The following PDSS2 variants were observed in gnomAD, a reference collection of about 807,000 sequenced individuals.
PDSS2 encodes the protein decaprenyl diphosphate synthase subunit 2, also known as all trans-polyprenyl-diphosphate synthase PDSS2.
PDSS2 carries 31 observed loss-of-function variants against 44.5 expected under a neutral mutation model. The observed-to-expected ratio is 0.70, with a 90% CI of 0.52 to 0.94. PDSS2 has a LOEUF of 0.94. PDSS2 is among the 40% of genes least tolerant of loss of function. The probability of loss-of-function intolerance (pLI) is 0.00; values close to 1 mark genes in which losing one functional copy is unlikely to be tolerated. For synonymous variants in PDSS2, 157 were observed against 180.3 expected (o/e 0.87, Z 1.03); for missense variants, 452 against 482.2 (o/e 0.94, Z 0.59).
In PDSS2 at chr6:107,317,323, T is replaced by G. The variant is rs74963326; in HGVS notation, c.431+16875A>C. Among the ~76,000 whole-genome samples the G allele has an allele frequency of 0.015, 2,285 of 152,050 alleles. 122 individuals carry two copies. In the East Asian group the frequency reaches 0.19, roughly 13 times the overall value. ...ATAACAGAAAAAAAGCACAACCAGA[T>G]GTGGAGGAAACATGAGACAAAGGTG... On this transcript the variant is annotated intron_variant, in intron 2 of 7. Coordinates refer to ENST00000369037, the MANE Select transcript of PDSS2 (RefSeq NM_020381.4).
chr6:107,421,807 A>AACCC (rs1780832189), intron 1 of PDSS2, among the ~76,000 whole-genome samples: 1 of 146,114 alleles, frequency 6.8e-6, no homozygotes, highest in African/African-American at 2.5e-5. Context: ...AATTTCACAG[A>AACCC]ACACACACAC....
At chr6:107,161,752 T>C (rs11964270) in intron 7 of PDSS2, among the ~76,000 whole-genome samples, 11,059 of 152,186 alleles carry the variant, frequency 0.073, 443 homozygotes, top group African/African-American at 0.11. Flanking sequence ...CAGTTTGGCC[T>C]TTACAGAAAA....
chr6:107,156,906 C>T (rs1368991516), intron 7 of PDSS2, among the ~76,000 whole-genome samples: 2 of 152,160 alleles, frequency 1.3e-5, no homozygotes, highest in Non-Finnish European at 2.9e-5. Context: ...TCCTCTACTC[C>T]TCATTCCCAT....
At chr6:107,402,403 A>G (rs1228695218) in intron 1 of PDSS2, among the ~76,000 whole-genome samples, 1 of 29,858 alleles carries the variant, frequency 3.3e-5, no homozygotes, top group African/African-American at 1.2e-4. Context: ...TGTTCTCACA[A>G]TAAAGATATA....
chr6:107,298,284 C>A (rs1297917788), intron 2 of PDSS2, among the ~76,000 whole-genome samples: 1 of 152,012 alleles, frequency 6.6e-6, no homozygotes, highest in Non-Finnish European at 1.5e-5. Context: ...ATTCAACCAA[C>A]CACTGACAGA....
intron 5 of PDSS2, among the ~76,000 whole-genome samples, chr6:107,211,545 C>G (rs1255411841): frequency 2.0e-5 from 3 of 151,620 alleles, no homozygotes; most frequent in Admixed American, 2.0e-4. Context: ...TCCTGACCAA[C>G]ATGGTGAAAC....
intron 1 of PDSS2, among the ~76,000 whole-genome samples, chr6:107,411,716 G>A (rs1780499764): frequency 6.6e-6 from 1 of 151,942 alleles, no homozygotes; most frequent in South Asian, 2.1e-4. Context: ...AAGTAATCTG[G>A]AGATAATTTC....
intron 4 of PDSS2, among the ~76,000 whole-genome samples, chr6:107,240,380 G>T (rs1324595457): frequency 6.6e-6 from 1 of 150,470 alleles, no homozygotes; most frequent in South Asian, 2.1e-4. Flanking sequence ...CAGTCTGGAT[G>T]ATAGAGTGAG....
At chr6:107,285,630 T>G (rs937639170) in intron 2 of PDSS2, among the ~76,000 whole-genome samples, 1 of 152,160 alleles carries the variant, frequency 6.6e-6, no homozygotes, top group Admixed American at 6.5e-5. Flanking sequence ...AGGGAAAAGA[T>G]GGATTATTCT....
chr6:107,235,805 T>C (rs887077826), intron 4 of PDSS2, among the ~76,000 whole-genome samples: 11 of 152,108 alleles, frequency 7.2e-5, no homozygotes, highest in African/African-American at 2.7e-4. Context: ...CTATATTCCA[T>C]ATGGCCAAGG....
At chr6:107,241,439 C>T (rs751657274) in intron 4 of PDSS2, among the ~76,000 whole-genome samples, 3 of 147,486 alleles carry the variant, frequency 2.0e-5, no homozygotes, top group Non-Finnish European at 4.5e-5. Context: ...CTCTGCCTCC[C>T]GGGTTCACAC....
Position 107,412,611 on chromosome 6 carries a change from G to A in PDSS2, c.296+46379C>T, listed in dbSNP as rs377083687. On this transcript the variant is annotated intron_variant, in intron 1 of 7. Coordinates refer to ENST00000369037, the MANE Select transcript of PDSS2 (RefSeq NM_020381.4). ...CCTTCTCTCCATTTATACAACTGTC[G>A]GCAACATAAGCGTCAATTGTTTTAA... Among the ~76,000 whole-genome samples, 145 of 152,116 alleles carry A rather than the reference G, an allele frequency of 9.5e-4. No individual in the cohort carries two copies. The South Asian group carries it at 1.0e-2, about 10-fold the overall frequency.
At chr6:107,319,019 CACACACAT>C (rs1306497475) in intron 2 of PDSS2, among the ~76,000 whole-genome samples, 8 of 143,454 alleles carry the variant, frequency 5.6e-5, no homozygotes, top group Non-Finnish European at 1.3e-4. Flanking sequence ...CACACACACA[CACACACAT>C]ACACACACAC....
intron 1 of PDSS2, among the ~76,000 whole-genome samples, chr6:107,386,641 A>C (rs1583021638): frequency 6.6e-6 from 1 of 152,208 alleles, no homozygotes; most frequent in East Asian, 1.9e-4. Flanking sequence ...GGCCAATCGA[A>C]GTTAAATAAT....
At chr6:107,168,506 T>G (rs569809044) in intron 7 of PDSS2, among the ~76,000 whole-genome samples, 2,360 of 151,830 alleles carry the variant, frequency 0.016, 59 homozygotes, top group African/African-American at 0.053. Flanking sequence ...TGTGTGAATT[T>G]GATCCTGTCA....
intron 2 of PDSS2, among the ~76,000 whole-genome samples, chr6:107,292,362 T>C (rs149302678): frequency 2.0e-5 from 3 of 152,208 alleles, no homozygotes; most frequent in Admixed American, 1.3e-4. Context: ...TCCTCCCCTC[T>C]TGATTTATTT....
intron 7 of PDSS2, among the ~76,000 whole-genome samples, chr6:107,179,101 A>C (rs946693859): frequency 1.2e-4 from 19 of 152,208 alleles, no homozygotes; most frequent in Non-Finnish European, 2.8e-4. Context: ...GCACATAGAA[A>C]GGTCTACCCA....
intron 3 of PDSS2, among the ~76,000 whole-genome samples, chr6:107,256,025 C>G (rs1775007282): frequency 6.6e-6 from 1 of 152,074 alleles, no homozygotes; most frequent in Admixed American, 6.6e-5. Context: ...GAGTCTCACT[C>G]TGTCGCCCAG....
chr6:107,399,438 C>T (rs902631182), intron 1 of PDSS2, among the ~76,000 whole-genome samples: 5 of 152,196 alleles, frequency 3.3e-5, no homozygotes, highest in African/African-American at 1.2e-4. Context: ...CCTGAAACCT[C>T]TTTCCCAAAC....
Sources: allele counts gnomAD v4.1 joint callset (sites outside exome capture counted in the v4.1 genomes callset), GRCh38; gene constraint gnomAD v4.1.1; transcripts MANE v1.5; gene names NCBI Gene and HGNC (gene_info 2026-07-23, HGNC 2026-07-21).